Variants in SERPINI2 observed in about 807,000 individuals in gnomAD.
SERPINI2 encodes the protein serpin family I member 2, also known as serpin I2.
SERPINI2 carries 48 observed loss-of-function variants against 47.3 expected under a neutral mutation model. The observed-to-expected ratio is 1.02, with a 90% CI of 0.81 to 1.29. The LOEUF is 1.29. Ranked by LOEUF, SERPINI2 falls within the 50% of genes most tolerant of loss-of-function variation. The probability of loss-of-function intolerance (pLI) is 0.00; values close to 1 mark genes in which losing one functional copy is unlikely to be tolerated. For synonymous variants in SERPINI2, 135 were observed against 149.3 expected (o/e 0.90, Z 0.70); for missense variants, 448 against 456.9 (o/e 0.98, Z 0.18).
chr3:167,467,069 T>C (rs1479190794), exon 3 of SERPINI2: 3 of 1,602,044 alleles, frequency 1.9e-6, no homozygotes, highest in Middle Eastern at 1.7e-4. Flanking sequence ...TGTTTTTCTT[T>C]CTACCCAGGT....
chr3:167,443,540 A>G (rs1218120381), intron 8 of SERPINI2, among the ~76,000 whole-genome samples: 2 of 152,226 alleles, frequency 1.3e-5, no homozygotes, highest in African/African-American at 2.4e-5. Context: ...CATCTCCTAG[A>G]ATAGATATTA....
At chr3:167,463,185 G>A (rs962177441) in intron 5 of SERPINI2, among the ~76,000 whole-genome samples, 2 of 151,628 alleles carry the variant, frequency 1.3e-5, no homozygotes, top group African/African-American at 2.4e-5. Context: ...GCTAGGAGAA[G>A]TAAATTTGAA....
chr3:167,465,859 T>A (rs948145303), intron 3 of SERPINI2, among the ~76,000 whole-genome samples, 186 bp from the exon 4 acceptor site: 1 of 152,102 alleles, frequency 6.6e-6, no homozygotes, highest in Non-Finnish European at 1.5e-5. Context: ...AAGAAACAGG[T>A]GCAAATGGAA....
At position 167,465,674 on chromosome 3, in the gene SERPINI2, C is replaced by A. The variant is rs1460200465; in HGVS notation, c.479-1G>T. 6.2e-7 allele frequency: 1 copy of A among 1,605,584 alleles called. No homozygotes were observed. The stretch of plus-strand genomic sequence containing the variant: ...CCTGAAAACATGTCTTTAATTTTTC[C>A]TAGGAAGTGGGTGGAGGAGGAGGTA... On this transcript the variant is annotated splice_acceptor_variant, in intron 3 of 8. Transcript: ENST00000264677. LOFTEE classifies it high-confidence loss of function.
chr3:167,466,996 A>T, intron 3 of SERPINI2, 59 bp downstream of exon 3: 1 of 1,211,144 alleles, frequency 8.3e-7, no homozygotes, highest in South Asian at 1.4e-5. Flanking sequence ...TTACTTTAGG[A>T]TATTAAAAAC....
chr3:167,455,541 C>T (rs1749761390), intron 5 of SERPINI2, among the ~76,000 whole-genome samples: 1 of 144,138 alleles, frequency 6.9e-6, no homozygotes, highest in Non-Finnish European at 1.5e-5. Flanking sequence ...GGGCTTGAAT[C>T]ATTCTTGGTG....
intron 5 of SERPINI2, among the ~76,000 whole-genome samples, chr3:167,464,508 C>G (rs1750077519): frequency 6.6e-6 from 1 of 150,494 alleles, no homozygotes; most frequent in Non-Finnish European, 1.5e-5. Flanking sequence ...CAGGGGAGCA[C>G]AAAACAGTTG....
At chr3:167,441,972 A>T (rs1241321874) in exon 9 of SERPINI2, 3 of 570,968 alleles carry the variant, frequency 5.3e-6, no homozygotes, top group Admixed American at 7.7e-5. Flanking sequence ...ATTCATCAAG[A>T]CAGATATCTA....
chr3:167,475,218 A>T (rs187534470), upstream of SERPINI2, among the ~76,000 whole-genome samples: 78 of 151,952 alleles, frequency 5.1e-4, no homozygotes, highest in Admixed American at 1.6e-3. Flanking sequence ...TAACACAGAG[A>T]TAATTTTCCA....
chr3:167,462,536 GC>G (rs1454824654), intron 5 of SERPINI2, among the ~76,000 whole-genome samples: 1 of 152,150 alleles, frequency 6.6e-6, no homozygotes, highest in Non-Finnish European at 1.5e-5. Context: ...TTGGATTAGA[GC>G]CCGGCCTAAT....
exon 9 of SERPINI2, chr3:167,442,159 T>G: frequency 1.2e-6 from 2 of 1,601,056 alleles, no homozygotes; most frequent in Non-Finnish European, 1.7e-6. Context: ...TCAGGATTTG[T>G]CACTCTTCCC....
At position 167,470,013 on chromosome 3, in the gene SERPINI2, T is replaced by G. The variant is rs368266386; in HGVS notation, c.247+1575A>C. The stretch of plus-strand genomic sequence containing the variant: ...ATTTTTGATAGTGCGTTATTACTAT[T>G]ACTTTATCATGTTCACAATTCACAC... On this transcript the variant is annotated intron_variant, in intron 2 of 8. Transcript: ENST00000264677. Among the ~76,000 whole-genome samples the G allele has an allele frequency of 3.3e-5, 5 of 152,330 alleles. No individual in the cohort carries two copies. The East Asian group carries it at 7.7e-4, about 23-fold the overall frequency.
chr3:167,463,561 G>T (rs1750046246), intron 5 of SERPINI2, among the ~76,000 whole-genome samples: 1 of 152,086 alleles, frequency 6.6e-6, no homozygotes, highest in Admixed American at 6.5e-5. Flanking sequence ...GTGTCCTGGG[G>T]ACTAAAGGAA....
At chr3:167,455,679 G>A (rs1382727625) in intron 5 of SERPINI2, among the ~76,000 whole-genome samples, 1 of 152,076 alleles carries the variant, frequency 6.6e-6, no homozygotes, top group Non-Finnish European at 1.5e-5. Flanking sequence ...AAGTTTAATT[G>A]GTTCACAGTT....
intron 1 of SERPINI2, among the ~76,000 whole-genome samples, chr3:167,473,346 A>G (rs1219113859): frequency 6.6e-6 from 1 of 151,690 alleles, no homozygotes; most frequent in African/African-American, 2.4e-5. Flanking sequence ...GTTAAAAACC[A>G]GTGAGTAAGA....
upstream of SERPINI2, chr3:167,474,183 C>T (rs1358104996): frequency 1.1e-5 from 10 of 947,700 alleles, no homozygotes; most frequent in South Asian, 9.8e-5. Context: ...CTAACACAAT[C>T]GGGTTAATGA....
intron 7 of SERPINI2, among the ~76,000 whole-genome samples, chr3:167,449,002 A>AT (rs1387298612): frequency 3.3e-5 from 5 of 152,194 alleles, no homozygotes; most frequent in African/African-American, 1.2e-4. Context: ...AAAAATAATG[A>AT]TTTTATATTT....
intron 5 of SERPINI2, among the ~76,000 whole-genome samples, chr3:167,458,648 T>A (rs1749882348): frequency 6.6e-6 from 1 of 152,140 alleles, no homozygotes; most frequent in Non-Finnish European, 1.5e-5. Context: ...ACCTATTGCT[T>A]TACATCTGTC....
intron 5 of SERPINI2, among the ~76,000 whole-genome samples, chr3:167,463,909 A>C (rs544704834): frequency 6.6e-6 from 1 of 151,230 alleles, no homozygotes; most frequent in Non-Finnish European, 1.5e-5. Flanking sequence ...AGGAGTGCTG[A>C]GCTCTAGTCT....
Sources: gnomAD v4.1 joint callset for allele counts (sites outside exome capture counted in the v4.1 genomes callset) on GRCh38, gnomAD v4.1.1 for gene constraint, MANE v1.5 for transcripts, NCBI Gene and HGNC (gene_info 2026-07-23, HGNC 2026-07-21) for gene names.